The following SGCZ variants were observed in gnomAD, a reference collection of about 807,000 sequenced individuals.
SGCZ encodes the protein zeta-sarcoglycan.
In SGCZ, 40 loss-of-function variants were observed where a neutral mutation model predicts 41.3. That is an observed-to-expected ratio of 0.97 (90% CI 0.75 to 1.26). The LOEUF (loss-of-function observed/expected upper bound fraction) is 1.26. SGCZ is among the 50% of genes most tolerant of loss of function. The pLI is 0.00. For missense variants in SGCZ, 552 were observed against 369.8 expected (o/e 1.49, Z -4.04); for synonymous variants, 206 against 137.5 (o/e 1.50, Z -3.49).
intron 1 of SGCZ, among the ~76,000 whole-genome samples, chr8:14,695,638 G>A (rs1191562258): frequency 6.6e-6 from 1 of 151,888 alleles, no homozygotes; most frequent in Non-Finnish European, 1.5e-5. Context: ...AGCTAAAGGT[G>A]TGGAACTATA....
intron 3 of SGCZ, among the ~76,000 whole-genome samples, chr8:14,291,754 C>A (rs556203093): frequency 6.6e-6 from 1 of 152,106 alleles, no homozygotes; most frequent in South Asian, 2.1e-4. Flanking sequence ...TGTGTGCACA[C>A]TTTTCTATTC....
intron 2 of SGCZ, among the ~76,000 whole-genome samples, chr8:14,460,174 C>G (rs945123050): frequency 1.3e-5 from 2 of 152,134 alleles, no homozygotes; most frequent in Admixed American, 6.5e-5. Context: ...AACTTTGCAA[C>G]TTTTCTGTAA....
At chr8:14,976,030 T>A (rs71514480) in intron 1 of SGCZ, among the ~76,000 whole-genome samples, 53,982 of 145,588 alleles carry the variant, frequency 0.37, 10,719 homozygotes, top group Non-Finnish European at 0.43. Flanking sequence ...ATATATATTT[T>A]TTTTTTTTCT....
At chr8:14,481,688 A>G (rs1189188671) in intron 2 of SGCZ, among the ~76,000 whole-genome samples, 3 of 152,138 alleles carry the variant, frequency 2.0e-5, no homozygotes, top group East Asian at 1.9e-4. Flanking sequence ...TAACATTTGA[A>G]TTTTATACTA....
intron 1 of SGCZ, among the ~76,000 whole-genome samples, chr8:15,062,225 T>C (rs531093571): frequency 6.6e-6 from 1 of 152,250 alleles, no homozygotes; most frequent in East Asian, 1.9e-4. Context: ...AAGGTTAGCT[T>C]CTTACAGCAA....
chr8:14,461,537 T>C (rs1034446334), intron 2 of SGCZ, among the ~76,000 whole-genome samples: 1 of 152,078 alleles, frequency 6.6e-6, no homozygotes, highest in African/African-American at 2.4e-5. Context: ...CTCCAGGTGA[T>C]TGATTTGACC....
At chr8:14,300,221 G>C (rs374234651) in intron 3 of SGCZ, among the ~76,000 whole-genome samples, 7 of 147,790 alleles carry the variant, frequency 4.7e-5, no homozygotes, top group African/African-American at 1.7e-4. Flanking sequence ...AATTAAAAAA[G>C]AACAAAATTC....
intron 2 of SGCZ, among the ~76,000 whole-genome samples, chr8:14,388,165 A>T (rs28513465): frequency 6.6e-6 from 1 of 152,160 alleles, no homozygotes; most frequent in South Asian, 2.1e-4. Context: ...AGAATAAAAC[A>T]TATCATTTAA....
intron 1 of SGCZ, among the ~76,000 whole-genome samples, chr8:15,098,957 C>G (rs1317394561): frequency 1.3e-5 from 2 of 152,168 alleles, no homozygotes; most frequent in Non-Finnish European, 2.9e-5. Context: ...ACTCCGGAGG[C>G]TAAGGCAGGA....
At chr8:14,459,269 G>T (rs1244299549) in intron 2 of SGCZ, among the ~76,000 whole-genome samples, 2 of 152,026 alleles carry the variant, frequency 1.3e-5, no homozygotes, top group Non-Finnish European at 2.9e-5. Context: ...GCCTGTTGTG[G>T]GGTAGGGGGA....
chr8:14,557,774 C>T (rs1162784283), intron 1 of SGCZ, among the ~76,000 whole-genome samples: 1 of 151,848 alleles, frequency 6.6e-6, no homozygotes, highest in Non-Finnish European at 1.5e-5. Flanking sequence ...ACAAGAAAAA[C>T]CAAACCCAAA....
intron 1 of SGCZ, among the ~76,000 whole-genome samples, chr8:14,933,998 C>G (rs192916629): frequency 5.3e-5 from 8 of 151,836 alleles, no homozygotes; most frequent in African/African-American, 1.9e-4. Flanking sequence ...ACCAACAGGC[C>G]CTCTTATCGA....
At chr8:14,865,780 TAG>T (rs1355950238) in intron 1 of SGCZ, among the ~76,000 whole-genome samples, 2 of 152,214 alleles carry the variant, frequency 1.3e-5, no homozygotes, top group African/African-American at 4.8e-5. Context: ...TACAAGCACT[TAG>T]GGAACTAGCT....
intron 1 of SGCZ, among the ~76,000 whole-genome samples, chr8:14,765,612 G>C (rs1472761666): frequency 1.3e-5 from 2 of 152,154 alleles, no homozygotes; most frequent in African/African-American, 4.8e-5. Flanking sequence ...TACAGGGAAG[G>C]CTGGTGTGCA....
intron 1 of SGCZ, among the ~76,000 whole-genome samples, chr8:14,946,944 G>A (rs1230126976): frequency 6.6e-6 from 1 of 152,088 alleles, no homozygotes; most frequent in Non-Finnish European, 1.5e-5. Flanking sequence ...AACGTGCTGG[G>A]ATTACAGGCG....
chr8:14,198,614 A>G (rs1171804898), intron 4 of SGCZ, among the ~76,000 whole-genome samples: 3 of 152,178 alleles, frequency 2.0e-5, no homozygotes, highest in Non-Finnish European at 2.9e-5. Flanking sequence ...AAAAGAGGAA[A>G]AAAAGAACTG....
At chr8:14,863,534 G>A (rs1472299001) in intron 1 of SGCZ, among the ~76,000 whole-genome samples, 2 of 152,036 alleles carry the variant, frequency 1.3e-5, no homozygotes, top group Admixed American at 6.6e-5. Flanking sequence ...ATAAGTGCCT[G>A]AGTCACCTAG....
intron 4 of SGCZ, among the ~76,000 whole-genome samples, chr8:14,222,264 G>A (rs766195006): frequency 5.9e-5 from 9 of 151,714 alleles, no homozygotes; most frequent in African/African-American, 1.5e-4. Flanking sequence ...TCCGCCTCCC[G>A]GGTTCAAGCA....
At chr8:14,433,117 T>C (rs557584079) in intron 2 of SGCZ, among the ~76,000 whole-genome samples, 5 of 152,208 alleles carry the variant, frequency 3.3e-5, no homozygotes, top group East Asian at 3.9e-4. Flanking sequence ...GTTACATATG[T>C]GGAAAATAAA....
Sources: allele counts gnomAD v4.1 joint callset (sites outside exome capture counted in the v4.1 genomes callset), GRCh38; gene constraint gnomAD v4.1.1; transcripts MANE v1.5; gene names NCBI Gene and HGNC (gene_info 2026-07-23, HGNC 2026-07-21).